The following NUP35 variants were observed in gnomAD, a reference collection of about 807,000 sequenced individuals.
NUP35 encodes the protein nucleoporin 35.
NUP35 carries 25 observed loss-of-function variants against 41.5 expected under a neutral mutation model. The ratio of observed to expected loss-of-function variants is 0.60; its 90% confidence interval spans 0.44 to 0.84. The LOEUF (loss-of-function observed/expected upper bound fraction) is 0.84. NUP35 is among the 40% of genes least tolerant of loss of function. The pLI is 0.00. For synonymous variants in NUP35, 149 were observed against 130.7 expected, an observed-to-expected ratio of 1.14 and a Z score of -0.96; for missense variants, 396 against 396.6, an observed-to-expected ratio of 1.00 and a Z score of 0.01.
In NUP35 at chr2:183,147,278, G is replaced by C. The variant is rs1001919463; in HGVS notation, c.398-4230G>C. Among the ~76,000 whole-genome samples the C allele has an allele frequency of 3.4e-4, 51 of 152,222 alleles. 1 individual carries two copies. The highest frequency in any genetic ancestry group is 3.3e-3 in the Admixed American group (51 of 15,290). On this transcript the variant is annotated intron_variant, in intron 4 of 8. Transcript: ENST00000295119. Reference sequence around the variant, plus strand: ...ATATGAGTTGTAAAGTCTTTGCCTAGGCCAATGTCCAGAAGAGGTTTTTCA... The same window carrying C: ...ATATGAGTTGTAAAGTCTTTGCCTACGCCAATGTCCAGAAGAGGTTTTTCA...
At chr2:183,139,193 GT>G (rs2105571613) in intron 4 of NUP35, among the ~76,000 whole-genome samples, 1 of 146,530 alleles carries the variant, frequency 6.8e-6, no homozygotes, top group African/African-American at 2.5e-5. Context: ...TAACATTATG[GT>G]TTTGCATTTC....
At chr2:183,134,397 A>AG (rs1196159891) in intron 4 of NUP35, among the ~76,000 whole-genome samples, 1 of 151,994 alleles carries the variant, frequency 6.6e-6, no homozygotes, top group Non-Finnish European at 1.5e-5. Flanking sequence ...TAAGCAGCAA[A>AG]GGGGGGGAGG....
chr2:183,135,108 A>G (rs572452832), intron 4 of NUP35, among the ~76,000 whole-genome samples: 2 of 152,202 alleles, frequency 1.3e-5, no homozygotes, highest in East Asian at 3.9e-4. Flanking sequence ...TAGATAATCT[A>G]GGATAATCTT....
In NUP35 at chr2:183,124,988, C is replaced by T. The variant is rs146771678; in HGVS notation, c.40+491C>T. On this transcript the variant is annotated intron_variant, in intron 1 of 8. Coordinates refer to ENST00000295119, the MANE Select transcript of NUP35 (RefSeq NM_138285.5). The stretch of plus-strand genomic sequence containing the variant: ...CCTGTTTTGACTCCTCTCTCCCGGG[C>T]TTTGCCAAAGGAATCTTGTTATTAA... 1.5e-3 allele frequency among the ~76,000 whole-genome samples: 221 copies of T among 149,730 alleles called. 5 individuals carry two copies. The highest frequency in any genetic ancestry group is 5.3e-3 in the African/African-American group (206 of 39,074).
intron 1 of NUP35, among the ~76,000 whole-genome samples, chr2:183,126,642 G>GTTTT (rs71008267): frequency 0.058 from 8,381 of 145,710 alleles, 339 homozygotes; most frequent in South Asian, 0.12. Flanking sequence ...TATTGAATTT[G>GTTTT]TTTTTTTTTT....
At chr2:183,130,660 T>C in intron 3 of NUP35, 115 bp downstream of exon 3, 1 of 1,107,452 alleles carries the variant, frequency 9.0e-7, no homozygotes, top group South Asian at 1.5e-5. Flanking sequence ...TGTAACTGTG[T>C]TGCACAGAAT....
At chr2:183,146,743 C>T (rs1033021286) in intron 4 of NUP35, among the ~76,000 whole-genome samples, 10 of 152,014 alleles carry the variant, frequency 6.6e-5, no homozygotes, top group South Asian at 2.1e-4. Context: ...ACTACAGGCA[C>T]CCGCCACCAT....
intron 3 of NUP35, chr2:183,131,048 C>A: frequency 1.9e-6 from 1 of 519,402 alleles, no homozygotes; most frequent in South Asian, 1.6e-5. Context: ...GCGGCACAGT[C>A]ATAACTCTGC....
intron 4 of NUP35, among the ~76,000 whole-genome samples, chr2:183,144,143 A>C (rs1233909473): frequency 6.6e-6 from 1 of 152,248 alleles, no homozygotes; most frequent in Admixed American, 6.5e-5. Context: ...AAAGGAAGAC[A>C]CATAGGGTGA....
chr2:183,152,087 A>G (rs1411850389), intron 5 of NUP35, among the ~76,000 whole-genome samples: 1 of 148,702 alleles, frequency 6.7e-6, no homozygotes, highest in East Asian at 2.0e-4. Context: ...ACCAGTTTTG[A>G]ATTAACAGAA....
intron 3 of NUP35, 126 bp from the exon 4 acceptor site, chr2:183,133,440 T>C: frequency 1.5e-6 from 1 of 673,456 alleles, no homozygotes; most frequent in Non-Finnish European, 2.5e-6. Context: ...GCCTTTGTAC[T>C]TTGAGCTAAT....
chr2:183,120,579 T>A (rs1246084773), upstream of NUP35, among the ~76,000 whole-genome samples: 1 of 152,112 alleles, frequency 6.6e-6, no homozygotes, highest in Admixed American at 6.5e-5. Flanking sequence ...ATCTCAATGT[T>A]TGATGGTAGA....
At position 183,125,597 on chromosome 2, in the gene NUP35, G is replaced by A. The variant is rs553379152; in HGVS notation, c.40+1100G>A. 1.4e-4 allele frequency among the ~76,000 whole-genome samples: 21 copies of A among 152,230 alleles called. No individual in the cohort carries two copies. The East Asian group carries it at 4.1e-3, about 29-fold the overall frequency. On this transcript the variant is annotated intron_variant, in intron 1 of 8. Coordinates refer to ENST00000295119, the MANE Select transcript of NUP35 (RefSeq NM_138285.5). Reference sequence around the variant, plus strand: ...GCATTAAAATTTATATATAGATGTCGTCTTGGTATTTATTTTTAATGTATT... The same window carrying A: ...GCATTAAAATTTATATATAGATGTCATCTTGGTATTTATTTTTAATGTATT...
chr2:183,147,412 G>GT (rs1461066838), intron 4 of NUP35, among the ~76,000 whole-genome samples: 1 of 152,098 alleles, frequency 6.6e-6, no homozygotes, highest in Non-Finnish European at 1.5e-5. Context: ...TGGTTAGCTA[G>GT]TTTTCCTTGC....
Position 183,128,320 on chromosome 2 carries a change from C to G in NUP35, c.74C>G (p.Ser25Cys). 6.2e-7 allele frequency: 1 copy of G among 1,613,396 alleles called. No individual in the cohort carries two copies. The highest frequency in any genetic ancestry group is 8.5e-7 in the Non-Finnish European group (1 of 1,179,626). Residue 25 changes from serine (S) to cysteine (C), a missense_variant, in exon 2 of 9, where the codon TCT becomes TGT. Physicochemically the swap from Ser to Cys is moderately radical, Grantham distance 112. Transcript: ENST00000295119. ...SEPMMLGSPT[S>C]PKPGVNAQFL... ...CCAATGATGCTGGGTTCACCCACAT[C>G]TCCAAAGCCAGGAGTTAATGCCCAG...
Position 183,151,644 on chromosome 2 carries a change from A to T in NUP35, c.534A>T (p.Val178=), listed in dbSNP as rs745663758. 2.5e-6 allele frequency: 4 copies of T among 1,612,456 alleles called. No individual in the cohort carries two copies. In the African/African-American group the frequency reaches 5.3e-5, roughly 22 times the overall value. ...ACCTCGATGACTCTTGGGTGACTGTATTTGGGTAAGGTTTGCAGACCATTT... is the reference window on the plus strand; with the variant it reads ...ACCTCGATGACTCTTGGGTGACTGTTTTTGGGTAAGGTTTGCAGACCATTT... The part of the protein sequence containing the change: ...EDHLDDSWVT[V]FGFPQASASY... Residue 178 remains valine (V), a synonymous_variant, in exon 5 of 9, where the codon GTA becomes GTT. Transcript: ENST00000295119.
At chr2:183,128,713 T>C (rs80160631) in intron 2 of NUP35, among the ~76,000 whole-genome samples, 8,182 of 152,134 alleles carry the variant, frequency 0.054, 284 homozygotes, top group Middle Eastern at 0.082. Flanking sequence ...AAGCCATGGG[T>C]GGGACAAGCT....
At chr2:183,142,885 G>T (rs528619483) in intron 4 of NUP35, among the ~76,000 whole-genome samples, 1 of 151,952 alleles carries the variant, frequency 6.6e-6, no homozygotes, top group East Asian at 1.9e-4. Context: ...AGCTGGGCAC[G>T]GTGGCTCACG....
intron 4 of NUP35, among the ~76,000 whole-genome samples, chr2:183,141,411 G>C (rs184745654): frequency 1.3e-5 from 2 of 152,264 alleles, no homozygotes; most frequent in Admixed American, 1.3e-4. Context: ...CATTTAGCCA[G>C]CCACGTCATC....
Sources: allele counts gnomAD v4.1 joint callset (sites outside exome capture counted in the v4.1 genomes callset), GRCh38; gene constraint gnomAD v4.1.1; transcripts MANE v1.5; gene names NCBI Gene and HGNC (gene_info 2026-07-23, HGNC 2026-07-21).